PCDH15: variants seen among roughly 807,000 people sequenced by gnomAD.
PCDH15 encodes protocadherin-15.
In PCDH15, 129 loss-of-function variants were observed where a neutral mutation model predicts 178.5. The observed-to-expected ratio is 0.72, with a 90% CI of 0.63 to 0.84. PCDH15 has a LOEUF of 0.84. Ranked by LOEUF, PCDH15 falls within the 40% of genes least tolerant of loss-of-function variation. The probability of loss-of-function intolerance (pLI) is 0.00; values close to 1 mark genes in which losing one functional copy is unlikely to be tolerated. For missense variants in PCDH15, 2,230 were observed against 2,099.9 expected (o/e 1.06, Z -1.21); for synonymous variants, 800 against 732.0 (o/e 1.09, Z -1.50).
At chr10:54,206,140 A>T (rs933803429) in intron 10 of PCDH15, among the ~76,000 whole-genome samples, 1 of 152,150 alleles carries the variant, frequency 6.6e-6, no homozygotes, top group African/African-American at 2.4e-5. Flanking sequence ...ATAACTTGTT[A>T]CAACGAACAC....
At chr10:55,109,575 T>G (rs993880739) in intron 2 of PCDH15, among the ~76,000 whole-genome samples, 15 of 152,114 alleles carry the variant, frequency 9.9e-5, no homozygotes, top group African/African-American at 3.6e-4. Flanking sequence ...TCCATTCTAC[T>G]ATAAAAATAA....
At chr10:54,873,868 T>C (rs1954085759) in intron 3 of PCDH15, among the ~76,000 whole-genome samples, 1 of 150,282 alleles carries the variant, frequency 6.7e-6, no homozygotes, top group African/African-American at 2.4e-5. Flanking sequence ...TGAGTGGTCA[T>C]CTGTTCATTT....
At chr10:55,602,747 T>C (rs535796605) in intron 2 of PCDH15, among the ~76,000 whole-genome samples, 54 of 152,114 alleles carry the variant, frequency 3.5e-4, no homozygotes, top group African/African-American at 1.2e-3. Flanking sequence ...TACATCACCA[T>C]CATCAAAGAC....
intron 1 of PCDH15, among the ~76,000 whole-genome samples, chr10:55,231,164 C>T (rs1841207312): frequency 6.6e-6 from 1 of 151,862 alleles, no homozygotes; most frequent in Non-Finnish European, 1.5e-5. Flanking sequence ...ATGATGGTAT[C>T]TTAAATAGGG....
intron 2 of PCDH15, among the ~76,000 whole-genome samples, chr10:55,579,888 C>T (rs1006187945): frequency 1.3e-5 from 2 of 151,972 alleles, no homozygotes; most frequent in African/African-American, 4.8e-5. Context: ...AAGAGTTTCG[C>T]TCTTGTTGTC....
intron 2 of PCDH15, among the ~76,000 whole-genome samples, chr10:55,536,905 T>C (rs531366995): frequency 6.6e-6 from 1 of 152,290 alleles, no homozygotes; most frequent in East Asian, 1.9e-4. Flanking sequence ...ACATGAGCCA[T>C]TGTTGACAAC....
At chr10:54,200,147 T>G (rs950485037) in intron 10 of PCDH15, among the ~76,000 whole-genome samples, 5 of 152,096 alleles carry the variant, frequency 3.3e-5, no homozygotes, top group Non-Finnish European at 1.5e-5. Flanking sequence ...TCAAGTAGAT[T>G]CAACAATTTA....
At chr10:53,985,933 C>T (rs2091066063) in intron 21 of PCDH15, among the ~76,000 whole-genome samples, 1 of 152,162 alleles carries the variant, frequency 6.6e-6, no homozygotes, top group Non-Finnish European at 1.5e-5. Flanking sequence ...ATGTAGTAGG[C>T]ACCAACTGTT....
At position 54,957,221 on chromosome 10, in the gene PCDH15, G is replaced by C. The variant is rs191693081; in HGVS notation, c.-79-59721C>G. ...CTAAAGTATATGAATTGTATAGGCA[G>C]AGTAAATAAACTGAATGGGATGAGA... On this transcript the variant is annotated intron_variant, in intron 2 of 5. Transcript: ENST00000458638. 1.9e-4 allele frequency among the ~76,000 whole-genome samples: 29 copies of C among 151,598 alleles called. No homozygotes were observed. The East Asian group carries it at 5.6e-3, about 29-fold the overall frequency.
At chr10:55,213,775 TTTG>T (rs1366177116) in intron 1 of PCDH15, among the ~76,000 whole-genome samples, 1 of 151,926 alleles carries the variant, frequency 6.6e-6, no homozygotes, top group African/African-American at 2.4e-5. Flanking sequence ...CTTTATTGCA[TTTG>T]TTATTTTATT....
At chr10:53,866,889 A>G (rs540586552) in intron 26 of PCDH15, 32 bp from the exon 27 acceptor site, 10 of 1,453,352 alleles carry the variant, frequency 6.9e-6, no homozygotes, top group African/African-American at 1.4e-5. Flanking sequence ...AGAGATTATA[A>G]TTAAGCAGGA....
intron 7 of PCDH15, among the ~76,000 whole-genome samples, chr10:54,319,810 A>T (rs10763100): frequency 6.6e-6 from 1 of 151,714 alleles, no homozygotes; most frequent in East Asian, 1.9e-4. Flanking sequence ...CTCTTGTTAA[A>T]CATGGTTAAT....
intron 2 of PCDH15, among the ~76,000 whole-genome samples, chr10:54,995,814 C>A (rs1208692329): frequency 1.3e-5 from 2 of 151,914 alleles, no homozygotes; most frequent in Non-Finnish European, 2.9e-5. Context: ...CCCATCATGA[C>A]TGTCTTACCT....
chr10:54,765,349 T>C (rs1231992968), intron 1 of PCDH15, among the ~76,000 whole-genome samples: 1 of 152,118 alleles, frequency 6.6e-6, no homozygotes, highest in Non-Finnish European at 1.5e-5. Flanking sequence ...GCGCTATAAT[T>C]CTCAAACCTG....
At chr10:55,465,742 A>G (rs1839818006) in intron 2 of PCDH15, among the ~76,000 whole-genome samples, 1 of 152,204 alleles carries the variant, frequency 6.6e-6, no homozygotes. Context: ...TAGGTGGTAC[A>G]TCAACAAAAC....
chr10:53,822,514 G>A (rs756580038), intron 32 of PCDH15: 1 of 1,613,176 alleles, frequency 6.2e-7, no homozygotes, highest in South Asian at 1.1e-5. Context: ...GAGATGTTTG[G>A]TGGATGGGCA....
At chr10:54,404,853 C>CT (rs1952430061) in intron 3 of PCDH15, among the ~76,000 whole-genome samples, 1 of 151,894 alleles carries the variant, frequency 6.6e-6, no homozygotes, top group African/African-American at 2.4e-5. Context: ...AGACACTTTT[C>CT]AAAACAAAAC....
intron 18 of PCDH15, among the ~76,000 whole-genome samples, chr10:54,035,100 A>C (rs1044386526): frequency 1.3e-5 from 2 of 151,862 alleles, no homozygotes; most frequent in African/African-American, 4.8e-5. Context: ...TGAGAATAAC[A>C]GAATGTTTTC....
intron 2 of PCDH15, among the ~76,000 whole-genome samples, chr10:55,555,770 T>C (rs938542348): frequency 1.3e-5 from 2 of 152,074 alleles, no homozygotes; most frequent in Non-Finnish European, 2.9e-5. Context: ...GTCTAAAATG[T>C]ACATGCATAG....
Sources: gnomAD v4.1 joint callset for allele counts (sites outside exome capture counted in the v4.1 genomes callset) on GRCh38, gnomAD v4.1.1 for gene constraint, MANE v1.5 for transcripts, NCBI Gene and HGNC (gene_info 2026-07-23, HGNC 2026-07-21) for gene names.